Variants in SLC17A3 observed in about 807,000 individuals in gnomAD.
SLC17A3 encodes the protein sodium-dependent phosphate transport protein 4.
SLC17A3 carries 61 observed loss-of-function variants against 60.3 expected under a neutral mutation model. The ratio of observed to expected loss-of-function variants is 1.01; its 90% confidence interval spans 0.82 to 1.25. The LOEUF is 1.25. Ranked by LOEUF, SLC17A3 falls within the 50% of genes most tolerant of loss-of-function variation. SLC17A3 has a pLI of 0.00. For synonymous variants in SLC17A3, 192 were observed against 208.9 expected (o/e 0.92, Z 0.70); for missense variants, 624 against 594.9 (o/e 1.05, Z -0.51).
At position 25,868,280 on chromosome 6, in the gene SLC17A3, GT is replaced by G. The variant is rs1765570884; in HGVS notation, c.91+16del. 6.3e-7 allele frequency: 1 copy of G among 1,593,902 alleles called. No individual in the cohort carries two copies. ...CACTGTAAAATCCTAAAACCAAGCA[GT>G]TGAGGTCAAATTTACCTTTCCTGGG... On this transcript the variant is annotated intron_variant, in intron 2 of 12. Transcript: ENST00000397060.
intron 6 of SLC17A3, among the ~76,000 whole-genome samples, chr6:25,852,132 T>G (rs1765288366): frequency 6.6e-6 from 1 of 152,108 alleles, no homozygotes; most frequent in South Asian, 2.1e-4. Flanking sequence ...TTTCGGTTTG[T>G]TTTTTTGCAC....
At position 25,855,227 on chromosome 6, in the gene SLC17A3, A is replaced by G. The variant is rs1392704101; in HGVS notation, c.629T>C (p.Met210Thr). The G allele has an allele frequency of 6.2e-7, 1 of 1,611,832 alleles. No homozygotes were observed. The highest frequency in any genetic ancestry group is 8.5e-7 in the Non-Finnish European group (1 of 1,178,214). Residue 210 changes from methionine (M) to threonine (T), a missense_variant, in exon 6 of 13, where the codon ATG becomes ACG. Physicochemically the swap from Met to Thr is moderately conservative, Grantham distance 81. Transcript: ENST00000397060. The part of the protein sequence containing the change: ...SRLCSIALSG[M>T]LLGCFTAILI... ...GATGGCAGTAAAGCATCCCAGTAAC[A>G]TTCCTGCAAAGAGAGAGAAAGTAAG...
At chr6:25,861,583 T>C in intron 5 of SLC17A3, 41 bp downstream of exon 5, 1 of 1,516,398 alleles carries the variant, frequency 6.6e-7, no homozygotes, top group African/African-American at 1.4e-5. Context: ...AGTGGGAAAA[T>C]GTTGGATTGT....
At chr6:25,850,650 A>G (rs1179622588) in intron 7 of SLC17A3, 30 bp from the exon 8 acceptor site, 8 of 1,613,776 alleles carry the variant, frequency 5.0e-6, no homozygotes, top group Non-Finnish European at 5.9e-6. Flanking sequence ...TCATAACGGT[A>G]AATCCGACAG....
intron 6 of SLC17A3, among the ~76,000 whole-genome samples, chr6:25,854,308 T>G (rs958454734): frequency 2.0e-5 from 3 of 152,240 alleles, no homozygotes; most frequent in Non-Finnish European, 4.4e-5. Flanking sequence ...GCTTCATGTA[T>G]TTTGAAGTTC....
At position 25,845,439 on chromosome 6, in the gene SLC17A3, T is replaced by C. The variant is rs1249062530; in HGVS notation, c.1440A>G (p.Ile480Met). The C allele has an allele frequency of 3.7e-6, 6 of 1,613,994 alleles. No homozygotes were observed. Among genetic ancestry groups the C allele is most frequent in the Non-Finnish European group, 5.1e-6 (6 of 1,179,914 alleles). ...VNLLGLLFYL[I>M]FGEADVQEWA... Reference sequence around the variant, plus strand: ...ATTCTTGGACATCTGCTTCTCCAAATATGAGGTAGAAGAGTAGTCCTAACA... The same window carrying C: ...ATTCTTGGACATCTGCTTCTCCAAACATGAGGTAGAAGAGTAGTCCTAACA... The change falls in exon 12 of 13, where the codon ATA (isoleucine) becomes ATG (methionine). Residue 480 changes from isoleucine (I) to methionine (M), a missense_variant. Physicochemically the swap from Ile to Met is conservative, Grantham distance 10. Transcript: ENST00000397060.
rs1765233821 is a variant in SLC17A3, at chr6:25,849,482, G to A, written c.1272-18C>T. On this transcript the variant is annotated intron_variant, in intron 10 of 12. Coordinates refer to ENST00000397060, the MANE Select transcript of SLC17A3 (RefSeq NM_001098486.2). ...TGGAATACCTGTGGGTGACAGGAAT[G>A]TTCCGGTCTAGATCCAGAGATGTTT... is the stretch of plus-strand genomic sequence containing the variant. 1.4e-5 allele frequency: 21 copies of A among 1,508,044 alleles called. No homozygotes were observed. The Admixed American group carries it at 3.2e-4, about 23-fold the overall frequency. The allele number at this position is 1,508,044 out of a possible 1,614,324, so 93.4% of individuals were successfully genotyped here.
At chr6:25,849,344 T>C (rs1452682586) in intron 11 of SLC17A3, 30 bp downstream of exon 11, 6 of 1,218,346 alleles carry the variant, frequency 4.9e-6, no homozygotes, top group African/African-American at 1.5e-5. Flanking sequence ...CAGAGCATCT[T>C]TGGAGTCCTT....
intron 5 of SLC17A3, among the ~76,000 whole-genome samples, chr6:25,858,241 T>C (rs1765392094): frequency 6.6e-6 from 1 of 152,160 alleles, no homozygotes; most frequent in Non-Finnish European, 1.5e-5. Flanking sequence ...TTGACATTTC[T>C]CTGCCTCTCT....
At chr6:25,868,616 A>C in intron 1 of SLC17A3, 196 bp from the exon 2 acceptor site, 1 of 519,938 alleles carries the variant, frequency 1.9e-6, no homozygotes, top group Non-Finnish European at 3.5e-6. Flanking sequence ...ATTTATTAGG[A>C]TCTAGAGTGC....
chr6:25,866,159 G>A (rs1765532489), intron 2 of SLC17A3, among the ~76,000 whole-genome samples: 1 of 151,946 alleles, frequency 6.6e-6, no homozygotes, highest in African/African-American at 2.4e-5. Context: ...TCACCCCCAT[G>A]ATTACATTAT....
rs139869471 is a variant in SLC17A3, at chr6:25,862,423, C to A, written c.113G>T (p.Arg38Leu). 1 of 1,613,164 alleles carries A rather than the reference C, an allele frequency of 6.2e-7. No homozygotes were observed. Among genetic ancestry groups the A allele is most frequent in the African/African-American group, 1.3e-5 (1 of 74,830 alleles). ...ATGTAAGACGAGGGCTATTCCATAG[C>A]GAGCAGAACATAAACTTGGAACTGG... ...PRKVPSLCSA[R>L]YGIALVLHFC... The change falls in exon 3 of 13, where the codon CGC becomes CTC. Residue 38 changes from arginine (R) to leucine (L), a missense_variant. Coordinates refer to ENST00000397060, the MANE Select transcript of SLC17A3 (RefSeq NM_001098486.2).
intron 5 of SLC17A3, among the ~76,000 whole-genome samples, chr6:25,858,855 CAT>C (rs1765402316): frequency 6.6e-6 from 1 of 152,178 alleles, no homozygotes; most frequent in Non-Finnish European, 1.5e-5. Flanking sequence ...TCACATCTAT[CAT>C]AGGTTGATAT....
At chr6:25,870,920 T>A (rs1332006474) in intron 1 of SLC17A3, among the ~76,000 whole-genome samples, 1 of 152,058 alleles carries the variant, frequency 6.6e-6, no homozygotes, top group Non-Finnish European at 1.5e-5. Flanking sequence ...GATCAAAATG[T>A]TGTCTCTTAA....
Position 25,868,306 on chromosome 6 carries a change from G to T in SLC17A3, c.82C>A (p.Pro28Thr), listed in dbSNP as rs114125341. 2 of 1,611,240 alleles carry T rather than the reference G, an allele frequency of 1.2e-6. No individual in the cohort carries two copies. The highest frequency in any genetic ancestry group is 1.7e-6 in the Non-Finnish European group (2 of 1,178,278). ...QDMQVDETLI[P>T]RKVPSLCSAR... ...TTGAGGTCAAATTTACCTTTCCTGGGGATCAGTGTCTCATCCACTTGCATA... is the reference window on the plus strand; with the variant it reads ...TTGAGGTCAAATTTACCTTTCCTGGTGATCAGTGTCTCATCCACTTGCATA... The change falls in exon 2 of 13, where the codon CCC becomes ACC. Residue 28 changes from proline (P) to threonine (T), a missense_variant. Coordinates refer to ENST00000397060, the MANE Select transcript of SLC17A3 (RefSeq NM_001098486.2).
chr6:25,849,928 A>C lies in SLC17A3; in HGVS notation c.1148T>G (p.Ile383Ser). The C allele has an allele frequency of 6.2e-7, 1 of 1,614,090 alleles. No individual in the cohort carries two copies. The highest frequency in any genetic ancestry group is 8.5e-7 in the Non-Finnish European group (1 of 1,179,898). The change falls in exon 10 of 13, where the codon ATT becomes AGT. Residue 383 changes from isoleucine (I) to serine (S), a missense_variant. Coordinates refer to ENST00000397060, the MANE Select transcript of SLC17A3 (RefSeq NM_001098486.2). ...GGAATTGAGGTAAGGCAGAGACACAATGAGTGCTGAAGAGGGGAGACTTCC... is the reference window on the plus strand; with the variant it reads ...GGAATTGAGGTAAGGCAGAGACACACTGAGTGCTGAAGAGGGGAGACTTCC... ...ILGSLPSSAL[I>S]VSLPYLNSGY...
At position 25,855,125 on chromosome 6, in the gene SLC17A3, C is replaced by G; in HGVS notation, c.712+19G>C. 1 of 1,518,734 alleles carries G rather than the reference C, an allele frequency of 6.6e-7. No individual in the cohort carries two copies. Among genetic ancestry groups the G allele is most frequent in the Middle Eastern group, 1.7e-4 (1 of 5,910 alleles). 94.1% of individuals were successfully genotyped at this position (1,518,734 alleles called of 1,614,324 possible). On this transcript the variant is annotated intron_variant, in intron 6 of 12. Transcript: ENST00000397060. ...CTTTCTGCATATGAAACTCAGGGAA[C>G]TGGGAGATAGTAGCTTACCAAAGAT...
intron 3 of SLC17A3, 23 bp from the exon 4 acceptor site, chr6:25,862,052 T>C (rs1477855814): frequency 2.6e-6 from 4 of 1,555,384 alleles, no homozygotes; most frequent in South Asian, 1.2e-5. Flanking sequence ...GAGAATGCTG[T>C]AGTAAACCTT....
chr6:25,872,254 A>C (rs1765655303), intron 1 of SLC17A3, among the ~76,000 whole-genome samples: 1 of 150,294 alleles, frequency 6.7e-6, no homozygotes, highest in Admixed American at 6.6e-5. Context: ...GTGCTATTGC[A>C]CATCTCTCCC....
Sources: gnomAD v4.1 joint callset for allele counts (sites outside exome capture counted in the v4.1 genomes callset) on GRCh38, gnomAD v4.1.1 for gene constraint, MANE v1.5 for transcripts, NCBI Gene and HGNC (gene_info 2026-07-23, HGNC 2026-07-21) for gene names.